Variants in PLOD2 observed in about 807,000 individuals in gnomAD.
The protein encoded by PLOD2 is procollagen-lysine,2-oxoglutarate 5-dioxygenase 2, also known as lysine hydroxylase 2.
In PLOD2, 65 loss-of-function variants were observed where a neutral mutation model predicts 101.0. That is an observed-to-expected ratio of 0.64 (90% CI 0.53 to 0.79). The LOEUF is 0.79. PLOD2 is among the 30% of genes least tolerant of loss of function. The probability of loss-of-function intolerance (pLI) is 0.00; values close to 1 mark genes in which losing one functional copy is unlikely to be tolerated. For missense variants in PLOD2, 909 were observed against 914.6 expected, an observed-to-expected ratio of 0.99 and a Z score of 0.08; for synonymous variants, 314 against 302.9, an observed-to-expected ratio of 1.04 and a Z score of -0.38.
intron 1 of PLOD2, among the ~76,000 whole-genome samples, chr3:146,133,415 T>C (rs2108113064): frequency 6.6e-6 from 1 of 152,224 alleles, no homozygotes; most frequent in East Asian, 1.9e-4. Context: ...TTCCAATCTG[T>C]ACAAAAAAAC....
chr3:146,143,756 G>A (rs1175257035), intron 1 of PLOD2, among the ~76,000 whole-genome samples: 3 of 152,020 alleles, frequency 2.0e-5, no homozygotes, highest in Non-Finnish European at 4.4e-5. Flanking sequence ...CCAACCAAAA[G>A]TCCAGATAAA....
At chr3:146,148,368 AC>A (rs936139462) in intron 1 of PLOD2, among the ~76,000 whole-genome samples, 13 of 149,712 alleles carry the variant, frequency 8.7e-5, no homozygotes, top group African/African-American at 3.2e-4. Flanking sequence ...ACACACACAC[AC>A]TTTTCACTAC....
chr3:146,142,186 T>C (rs962867737), intron 1 of PLOD2, among the ~76,000 whole-genome samples: 5 of 152,148 alleles, frequency 3.3e-5, no homozygotes, highest in African/African-American at 1.2e-4. Flanking sequence ...AGTAAAGCTA[T>C]TATCTACTGA....
At chr3:146,128,995 T>C (rs2030749205) in intron 1 of PLOD2, among the ~76,000 whole-genome samples, 1 of 146,246 alleles carries the variant, frequency 6.8e-6, no homozygotes. Flanking sequence ...CTGCCTTTTA[T>C]CCATATCTTC....
At chr3:146,085,588 C>T in intron 10 of PLOD2, 1 of 358,088 alleles carries the variant, frequency 2.8e-6, no homozygotes. Context: ...TACATACATA[C>T]ACATGCACAC....
intron 1 of PLOD2, among the ~76,000 whole-genome samples, chr3:146,143,071 G>C (rs2031603128): frequency 6.6e-6 from 1 of 152,062 alleles, no homozygotes; most frequent in Admixed American, 6.6e-5. Context: ...TCACTGCTCA[G>C]TGCATCACAG....
At position 146,086,628 on chromosome 3, in the gene PLOD2, C is replaced by T. The variant is rs3804669; in HGVS notation, c.1127+159G>A. On this transcript the variant is annotated intron_variant, in intron 10 of 19. Transcript: ENST00000282903. ...TTCTACAGCCCTTTATGTATAAATA[C>T]GTACAAACATAGACACAGTCTAAGT... is the stretch of plus-strand genomic sequence containing the variant. The T allele has an allele frequency of 0.48, 213,701 of 441,164 alleles. 52,404 individuals are homozygous for T. Among genetic ancestry groups the T allele is most frequent in the African/African-American group, 0.55 (26,868 of 49,028 alleles). The allele number at this position is 441,164 out of a possible 1,614,324, so 27.3% of individuals were successfully genotyped here.
At chr3:146,085,516 A>C (rs1936736408) in intron 10 of PLOD2, 1 of 527,666 alleles carries the variant, frequency 1.9e-6, no homozygotes, top group African/African-American at 1.9e-5. Context: ...ATATATTTTC[A>C]AGCCAGTAAA....
chr3:146,094,943 C>A (rs1937099100), intron 7 of PLOD2, among the ~76,000 whole-genome samples: 1 of 152,132 alleles, frequency 6.6e-6, no homozygotes, highest in African/African-American at 2.4e-5. Context: ...TGATCTTCGA[C>A]AAACCTGACA....
At chr3:146,131,056 T>C (rs1186808869) in intron 1 of PLOD2, among the ~76,000 whole-genome samples, 1 of 152,180 alleles carries the variant, frequency 6.6e-6, no homozygotes, top group Non-Finnish European at 1.5e-5. Flanking sequence ...GTACAGAGGC[T>C]GCCTATGTGA....
rs776072595 is a variant in PLOD2, at chr3:146,110,314, T to C, written c.473A>G (p.His158Arg). Residue 158 changes from histidine (H) to arginine (R), a missense_variant, in exon 4 of 20, where the codon CAC becomes CGC. Coordinates refer to ENST00000282903, the MANE Select transcript of PLOD2 (RefSeq NM_182943.3). ...KRLADKYPVVHIGKRYLNSGG... is the reference protein window; with the variant it reads ...KRLADKYPVVRIGKRYLNSGG... ...TGAATTCAGATAGCGTTTCCCAATG[T>C]GCACAACAGGATACTTGTCTGCTAG... is the stretch of plus-strand genomic sequence containing the variant. 25 of 1,613,896 alleles carry C rather than the reference T, an allele frequency of 1.5e-5. No homozygotes were observed. The highest frequency in any genetic ancestry group is 2.0e-5 in the Non-Finnish European group (24 of 1,179,844).
chr3:146,150,061 A>C (rs2031985989), intron 1 of PLOD2, among the ~76,000 whole-genome samples: 1 of 152,190 alleles, frequency 6.6e-6, no homozygotes, highest in Middle Eastern at 3.2e-3. Context: ...ATGACCTAGC[A>C]AGATATCAAA....
rs1380589616 is a variant in PLOD2, at chr3:146,100,308, ATT to A, written c.777+2445_777+2446del. Among the ~76,000 whole-genome samples, 24 of 152,360 alleles carry A rather than the reference ATT, an allele frequency of 1.6e-4. No homozygotes were observed. The South Asian group carries it at 3.3e-3, about 21-fold the overall frequency. ...AATTAAGATTTGTTGAAAGCGTAGT[ATT>A]CGCTACACATGTGCTGGACCCTGGG... On this transcript the variant is annotated intron_variant, in intron 7 of 19. Coordinates refer to ENST00000282903, the MANE Select transcript of PLOD2 (RefSeq NM_182943.3).
At chr3:146,156,635 C>T (rs1576634794) in intron 1 of PLOD2, among the ~76,000 whole-genome samples, 1 of 152,212 alleles carries the variant, frequency 6.6e-6, no homozygotes, top group East Asian at 1.9e-4. Context: ...GGCCTAGGGC[C>T]CAGTTTTCCT....
At position 146,070,758 on chromosome 3, in the gene PLOD2, T is replaced by C; in HGVS notation, c.2236A>G (p.Asn746Asp). ...GACACTGCAATGTATCTTGTTCCATTTTTAACAGGAAGTCCTTCATGCAAA... is the reference window on the plus strand; with the variant it reads ...GACACTGCAATGTATCTTGTTCCATCTTTAACAGGAAGTCCTTCATGCAAA... ...THLHEGLPVK[N>D]GTRYIAVSFI... The change falls in exon 20 of 20, where the codon AAT (asparagine) becomes GAT (aspartate). Residue 746 changes from asparagine to aspartate, a missense_variant. Transcript: ENST00000282903. 1 of 1,609,444 alleles carries C rather than the reference T, an allele frequency of 6.2e-7. No homozygotes were observed. Among genetic ancestry groups the C allele is most frequent in the Non-Finnish European group, 8.5e-7 (1 of 1,176,440 alleles).
chr3:146,121,037 T>A (rs1230323223), intron 3 of PLOD2, 75 bp downstream of exon 3: 1 of 1,204,754 alleles, frequency 8.3e-7, no homozygotes, highest in African/African-American at 1.5e-5. Flanking sequence ...TAATACATCA[T>A]CTACAAATAT....
intron 1 of PLOD2, among the ~76,000 whole-genome samples, chr3:146,138,906 T>C (rs569376066): frequency 1.5e-4 from 23 of 152,294 alleles, no homozygotes; most frequent in Admixed American, 2.0e-4. Context: ...CAACTTTAAA[T>C]ATATGGTAAG....
At chr3:146,086,964 G>A in intron 9 of PLOD2, 56 bp from the exon 10 acceptor site, 7 of 1,083,706 alleles carry the variant, frequency 6.5e-6, no homozygotes, top group Non-Finnish European at 8.2e-6. Context: ...GATGACTGAA[G>A]TATTCATATT....
At chr3:146,118,681 TAAG>T (rs1047687406) in intron 3 of PLOD2, among the ~76,000 whole-genome samples, 16 of 152,158 alleles carry the variant, frequency 1.1e-4, no homozygotes, top group African/African-American at 3.9e-4. Flanking sequence ...TATAAAATTA[TAAG>T]AAGATGGCAA....
Sources: allele counts gnomAD v4.1 joint callset (sites outside exome capture counted in the v4.1 genomes callset), GRCh38; gene constraint gnomAD v4.1.1; transcripts MANE v1.5; gene names NCBI Gene and HGNC (gene_info 2026-07-23, HGNC 2026-07-21).